Variants in CTNNA3 observed in about 807,000 individuals in gnomAD.
CTNNA3 encodes catenin alpha-3.
In CTNNA3, 76 loss-of-function variants were observed where a neutral mutation model predicts 95.7. That is an observed-to-expected ratio of 0.79 (90% CI 0.66 to 0.96). The LOEUF is 0.96. Among genes scored for constraint, CTNNA3 ranks in the 40% least tolerant of loss-of-function variants. The pLI is 0.00. For synonymous variants in CTNNA3, 431 were observed against 374.4 expected, an observed-to-expected ratio of 1.15 and a Z score of -1.74; for missense variants, 1,191 against 1,089.8, an observed-to-expected ratio of 1.09 and a Z score of -1.31.
intron 5 of CTNNA3, among the ~76,000 whole-genome samples, chr10:67,325,484 CT>C (rs1246488893): frequency 6.6e-6 from 1 of 152,042 alleles, no homozygotes; most frequent in East Asian, 1.9e-4. Context: ...CTTAATTTCA[CT>C]GTTTACTCAA....
intron 7 of CTNNA3, among the ~76,000 whole-genome samples, chr10:66,990,343 TCTC>T (rs1393085203): frequency 1.3e-5 from 2 of 152,172 alleles, no homozygotes; most frequent in Non-Finnish European, 2.9e-5. Context: ...CCACAGTTCT[TCTC>T]CTCTATGCTG....
intron 11 of CTNNA3, among the ~76,000 whole-genome samples, chr10:66,391,899 C>T (rs143889906): frequency 6.6e-6 from 1 of 151,772 alleles, no homozygotes; most frequent in Admixed American, 6.6e-5. Context: ...AATTAGAGTG[C>T]TATCCAGAAG....
intron 3 of CTNNA3, among the ~76,000 whole-genome samples, chr10:67,557,709 A>G (rs1841309101): frequency 6.6e-6 from 1 of 152,314 alleles, no homozygotes; most frequent in Non-Finnish European, 1.5e-5. Flanking sequence ...GTTCAGGGTT[A>G]TTGGGTTGTT....
chr10:67,054,731 A>C (rs2133198626), intron 7 of CTNNA3: 1 of 152,252 alleles, frequency 6.6e-6, no homozygotes, highest in South Asian at 2.1e-4. Flanking sequence ...CAATCGAAGT[A>C]CAACACTTCT....
intron 11 of CTNNA3, among the ~76,000 whole-genome samples, chr10:66,456,874 G>T (rs1460695949): frequency 6.6e-6 from 1 of 151,976 alleles, no homozygotes; most frequent in African/African-American, 2.4e-5. Context: ...TGTGAGGACT[G>T]CTTGAGCCCA....
Position 67,349,393 on chromosome 10 carries a change from C to T in CTNNA3, c.580-129523G>A, listed in dbSNP as rs552934948. Among the ~76,000 whole-genome samples, 14 of 152,196 alleles carry T rather than the reference C, an allele frequency of 9.2e-5. No individual in the cohort carries two copies. The South Asian group carries it at 2.9e-3, about 32-fold the overall frequency. On this transcript the variant is annotated intron_variant, in intron 5 of 17. Transcript: ENST00000433211. ...AGCCTTTAAAAAGAAGGAAATTCTG[C>T]AATATATGACACCAGAGATGACTGA...
At chr10:66,997,071 T>C (rs1851396104) in intron 7 of CTNNA3, among the ~76,000 whole-genome samples, 1 of 152,176 alleles carries the variant, frequency 6.6e-6, no homozygotes, top group Non-Finnish European at 1.5e-5. Context: ...GTCAAACAGT[T>C]CCCAAAACTT....
chr10:67,732,345 C>A (rs1197431812), intron 1 of CTNNA3, among the ~76,000 whole-genome samples: 1 of 152,014 alleles, frequency 6.6e-6, no homozygotes. Flanking sequence ...CAGTTAAAAT[C>A]TTATTTGGGC....
At chr10:66,029,033 T>C (rs2079400592) in intron 15 of CTNNA3, among the ~76,000 whole-genome samples, 3 of 151,210 alleles carry the variant, frequency 2.0e-5, no homozygotes. Flanking sequence ...ACATATAGAA[T>C]CAATACAAAA....
intron 15 of CTNNA3, among the ~76,000 whole-genome samples, chr10:66,038,411 C>T (rs952214482): frequency 6.6e-6 from 1 of 152,122 alleles, no homozygotes; most frequent in Non-Finnish European, 1.5e-5. Context: ...TTCGTGGCTG[C>T]ATTGCTGATA....
chr10:66,816,339 T>C (rs1011432053), intron 7 of CTNNA3, among the ~76,000 whole-genome samples: 7 of 152,070 alleles, frequency 4.6e-5, no homozygotes, highest in Non-Finnish European at 8.8e-5. Flanking sequence ...TTCTGCCTTA[T>C]CAGTATTCAC....
chr10:67,234,497 T>A (rs1043241959), intron 5 of CTNNA3, among the ~76,000 whole-genome samples: 1 of 152,200 alleles, frequency 6.6e-6, no homozygotes, highest in Non-Finnish European at 1.5e-5. Flanking sequence ...AAATTAGGTA[T>A]TGATGGGGCG....
At chr10:67,349,924 A>G (rs1375925586) in intron 5 of CTNNA3, among the ~76,000 whole-genome samples, 1 of 152,100 alleles carries the variant, frequency 6.6e-6, no homozygotes, top group African/African-American at 2.4e-5. Context: ...ACACAGGAGG[A>G]TTAAGGTAAG....
chr10:66,434,820 T>A (rs920750138), intron 11 of CTNNA3, among the ~76,000 whole-genome samples: 1 of 152,214 alleles, frequency 6.6e-6, no homozygotes, highest in Non-Finnish European at 1.5e-5. Context: ...ATATGTTCCA[T>A]CAATACCTAA....
In CTNNA3 at chr10:66,650,085, T is replaced by C. The variant is rs12261413; in HGVS notation, c.1282-28301A>G. Among the ~76,000 whole-genome samples, 477 of 152,284 alleles carry C rather than the reference T, an allele frequency of 3.1e-3. 3 individuals are homozygous for C. Among genetic ancestry groups the C allele is most frequent in the African/African-American group, 0.011 (450 of 41,536 alleles). ...CAATAAGTAAACATCAGATTAAAAC[T>C]ACACTTTAGACCAAATAGACCCAAC... On this transcript the variant is annotated intron_variant, in intron 9 of 17. Coordinates refer to ENST00000433211, the MANE Select transcript of CTNNA3 (RefSeq NM_013266.4).
At chr10:66,085,129 A>C (rs184009619) in intron 14 of CTNNA3, 21 of 152,290 alleles carry the variant, frequency 1.4e-4, no homozygotes, top group African/African-American at 4.6e-4. Context: ...GAGCCTTAGA[A>C]TATTTCAAAA....
intron 12 of CTNNA3, among the ~76,000 whole-genome samples, chr10:66,319,539 C>T (rs917962173): frequency 6.6e-6 from 1 of 152,088 alleles, no homozygotes. Flanking sequence ...TTGCCTTTTG[C>T]TTTTCTAGAA....
intron 9 of CTNNA3, among the ~76,000 whole-genome samples, chr10:66,683,380 A>G (rs192270800): frequency 8.9e-4 from 136 of 152,310 alleles, no homozygotes; most frequent in Non-Finnish European, 1.6e-3. Context: ...TAGAACATTA[A>G]CTACTGATAC....
In CTNNA3 at chr10:67,221,236, G is replaced by C. The variant is rs1014780574; in HGVS notation, c.580-1366C>G. Among the ~76,000 whole-genome samples the C allele has an allele frequency of 4.9e-4, 74 of 151,954 alleles. 1 individual carries two copies. Among genetic ancestry groups the C allele is most frequent in the Admixed American group, 2.0e-4 (3 of 15,254 alleles). ...TAACAATGGAGAAAACTGGAAAAAA[G>C]GTAAATGGGAACTCTCTGTACCACC... On this transcript the variant is annotated intron_variant, in intron 5 of 17. Coordinates refer to ENST00000433211, the MANE Select transcript of CTNNA3 (RefSeq NM_013266.4).
Sources: gnomAD v4.1 joint callset for allele counts (sites outside exome capture counted in the v4.1 genomes callset) on GRCh38, gnomAD v4.1.1 for gene constraint, MANE v1.5 for transcripts, NCBI Gene and HGNC (gene_info 2026-07-23, HGNC 2026-07-21) for gene names.